Variants in TBC1D5 observed in about 807,000 individuals in gnomAD.
TBC1D5 encodes TBC1 domain family member 5, also known as TBC1 domain family, member 5.
In TBC1D5, 75 loss-of-function variants were observed where a neutral mutation model predicts 100.3. The observed-to-expected ratio is 0.75, with a 90% CI of 0.62 to 0.91. The LOEUF is 0.91. Ranked by LOEUF, TBC1D5 falls within the 40% of genes least tolerant of loss-of-function variation. The probability of loss-of-function intolerance (pLI) is 0.00; values close to 1 mark genes in which losing one functional copy is unlikely to be tolerated. For missense variants in TBC1D5, 910 were observed against 942.4 expected (o/e 0.97, Z 0.45); for synonymous variants, 323 against 325.6 (o/e 0.99, Z 0.09).
At chr3:17,218,924 G>A (rs1210548856) in intron 17 of TBC1D5, among the ~76,000 whole-genome samples, 2 of 151,576 alleles carry the variant, frequency 1.3e-5, no homozygotes, top group African/African-American at 2.4e-5. Context: ...GGACTTCTTT[G>A]AGGTATGTAC....
At chr3:17,708,198 A>G (rs2074369209) in intron 1 of TBC1D5, among the ~76,000 whole-genome samples, 2 of 152,078 alleles carry the variant, frequency 1.3e-5, no homozygotes, top group Admixed American at 1.3e-4. Context: ...TGTTTCATAT[A>G]TTTTTTCAGT....
Position 17,227,795 on chromosome 3 carries a change from G to A in TBC1D5, c.1588+10368C>T, listed in dbSNP as rs192266401. On this transcript the variant is annotated intron_variant, in intron 17 of 21. Transcript: ENST00000253692. ...AATAATCTGTTTAGCAAACCCCCAT[G>A]CCACACGTTTACCTATATAACAAGC... 7.5e-4 allele frequency among the ~76,000 whole-genome samples: 113 copies of A among 151,548 alleles called. 2 individuals carry two copies. In the South Asian group the frequency reaches 0.011, roughly 15 times the overall value.
chr3:17,647,532 G>A (rs1309369009), intron 1 of TBC1D5, among the ~76,000 whole-genome samples: 1 of 152,042 alleles, frequency 6.6e-6, no homozygotes, highest in East Asian at 1.9e-4. Context: ...AAAAATTTCT[G>A]TGGATAACTG....
chr3:17,325,572 T>C (rs2085994291), intron 13 of TBC1D5, among the ~76,000 whole-genome samples: 1 of 152,180 alleles, frequency 6.6e-6, no homozygotes, highest in African/African-American at 2.4e-5. Context: ...TCCACCTGCC[T>C]TGGCCTCCCA....
At chr3:17,169,789 G>A (rs2066989053) in intron 19 of TBC1D5, among the ~76,000 whole-genome samples, 1 of 152,242 alleles carries the variant, frequency 6.6e-6, no homozygotes, top group Admixed American at 6.5e-5. Flanking sequence ...TAGAGCAGCA[G>A]TCCCCAACCT....
chr3:17,634,736 T>A (rs1194199470), intron 1 of TBC1D5, among the ~76,000 whole-genome samples: 1 of 152,092 alleles, frequency 6.6e-6, no homozygotes, highest in Non-Finnish European at 1.5e-5. Flanking sequence ...AAAGAATAGT[T>A]GGATTGTTAA....
intron 3 of TBC1D5, among the ~76,000 whole-genome samples, chr3:17,501,001 TG>T (rs1179054855): frequency 6.7e-6 from 1 of 149,676 alleles, no homozygotes; most frequent in Non-Finnish European, 1.5e-5. Flanking sequence ...TCATACCAGT[TG>T]AAAAATCTGT....
intron 15 of TBC1D5, among the ~76,000 whole-genome samples, chr3:17,284,564 A>G (rs1308151952): frequency 6.6e-6 from 1 of 152,198 alleles, no homozygotes; most frequent in Non-Finnish European, 1.5e-5. Flanking sequence ...CAGAAGATAC[A>G]CAATAAGGAC....
chr3:17,654,572 T>C (rs544288234), intron 1 of TBC1D5, among the ~76,000 whole-genome samples: 35 of 152,358 alleles, frequency 2.3e-4, no homozygotes, highest in African/African-American at 7.2e-4. Flanking sequence ...CAGTATTTTA[T>C]TGAGGATTTT....
chr3:17,605,547 G>C (rs578180481), intron 2 of TBC1D5, among the ~76,000 whole-genome samples: 1 of 152,212 alleles, frequency 6.6e-6, no homozygotes, highest in African/African-American at 2.4e-5. Context: ...GTTTGAAAGA[G>C]TTTGGGCAGT....
chr3:17,536,481 T>C (rs536456665), intron 2 of TBC1D5, among the ~76,000 whole-genome samples: 1 of 152,344 alleles, frequency 6.6e-6, no homozygotes, highest in Admixed American at 6.5e-5. Flanking sequence ...TCATCATCTA[T>C]CTCCATAACT....
At chr3:17,317,348 G>C (rs2084820097) in intron 13 of TBC1D5, among the ~76,000 whole-genome samples, 1 of 152,156 alleles carries the variant, frequency 6.6e-6, no homozygotes, top group South Asian at 2.1e-4. Context: ...AGAAGGCAGG[G>C]AGAGACAGGG....
chr3:17,721,861 A>T (rs1028871913), intron 1 of TBC1D5, among the ~76,000 whole-genome samples: 1 of 151,946 alleles, frequency 6.6e-6, no homozygotes, highest in Admixed American at 6.6e-5. Context: ...ACATGCCTGT[A>T]ATCCCAGCTA....
At chr3:17,510,364 C>T (rs544357651) in intron 2 of TBC1D5, among the ~76,000 whole-genome samples, 61 of 152,054 alleles carry the variant, frequency 4.0e-4, no homozygotes, top group Admixed American at 5.9e-4. Context: ...CACAGTCAGA[C>T]GTTAATAAAA....
chr3:17,603,642 A>G (rs951851203), intron 2 of TBC1D5, among the ~76,000 whole-genome samples: 3 of 152,062 alleles, frequency 2.0e-5, no homozygotes, highest in African/African-American at 4.8e-5. Flanking sequence ...AATCAAAGTC[A>G]TTCTTTTATT....
chr3:17,562,822 A>G (rs1380183884), intron 2 of TBC1D5, among the ~76,000 whole-genome samples: 1 of 152,238 alleles, frequency 6.6e-6, no homozygotes, highest in African/African-American at 2.4e-5. Flanking sequence ...ATGCAAATCT[A>G]ATAAAAATTC....
At chr3:17,231,158 T>G (rs2075384834) in intron 17 of TBC1D5, among the ~76,000 whole-genome samples, 1 of 152,154 alleles carries the variant, frequency 6.6e-6, no homozygotes, top group African/African-American at 2.4e-5. Context: ...ACATATGTCT[T>G]GTGTGTGTAC....
rs566557013 is a variant in TBC1D5 at position 17,461,376 on chromosome 3, C to A, written c.98-32857G>T. Among the ~76,000 whole-genome samples, 40 of 152,292 alleles carry A rather than the reference C, an allele frequency of 2.6e-4. 2 individuals carry two copies. The Middle Eastern group carries it at 0.01, about 39-fold the overall frequency. On this transcript the variant is annotated intron_variant, in intron 3 of 21. Coordinates refer to ENST00000253692, the Ensembl canonical transcript of TBC1D5. ...CTGTGGGCTTCTCTCAAATCCAAGA[C>A]TGAGAAGATTTCCATCATTCACTAA...
chr3:17,636,777 GGAGACAGAGC>G, intron 1 of TBC1D5, among the ~76,000 whole-genome samples: 1 of 151,922 alleles, frequency 6.6e-6, no homozygotes, highest in East Asian at 2.0e-4. Context: ...CTCCAGCCTG[GGAGACAGAGC>G]GAGACTCCGT....
Sources: allele counts gnomAD v4.1 joint callset (sites outside exome capture counted in the v4.1 genomes callset), GRCh38; gene constraint gnomAD v4.1.1; transcripts MANE v1.5; gene names NCBI Gene and HGNC (gene_info 2026-07-23, HGNC 2026-07-21).